Variants in OR2K2 observed in about 807,000 individuals in gnomAD.
OR2K2 encodes olfactory receptor family 2 subfamily K member 2, also known as olfactory receptor 2K2.
A neutral mutation model predicts 11.1 loss-of-function variants in OR2K2; 7 were observed. That is an observed-to-expected ratio of 0.63 (90% CI 0.36 to 1.19). The LOEUF (loss-of-function observed/expected upper bound fraction) is 1.19, where lower values mean the gene tolerates loss of function less well. Ranked by LOEUF, OR2K2 falls within the 50% of genes most tolerant of loss-of-function variation. The pLI is 0.02. For missense variants in OR2K2, 391 were observed against 383.4 expected, an observed-to-expected ratio of 1.02 and a Z score of -0.17; for synonymous variants, 152 against 150.8, an observed-to-expected ratio of 1.01 and a Z score of -0.06.
At chr9:111,329,957 C>T (rs2098102371) in intron 1 of OR2K2, 149 bp downstream of exon 1, 1 of 151,940 alleles carries the variant, frequency 6.6e-6, no homozygotes, top group Admixed American at 6.6e-5. Flanking sequence ...TTATGAATTT[C>T]TCTGCCAAAT....
chr9:111,327,831 G>T lies in OR2K2; in HGVS notation c.603C>A (p.Val201=). The T allele has an allele frequency of 6.2e-7, 1 of 1,614,142 alleles. No homozygotes were observed. The highest frequency in any genetic ancestry group is 8.5e-7 in the Non-Finnish European group (1 of 1,179,990). ...TTGGAATTGGCAAGAGGAGAATGCT[G>T]ACCACCAGCATGATGGTGTTCATGA... ...SLLMNTIMLV[V]SILLLPIPML... is the part of the protein sequence containing the mutation. The change falls in exon 2 of 2, where the codon GTC becomes GTA. Residue 201 remains valine (V), a synonymous_variant. Transcript: ENST00000302681.
At chr9:111,329,695 A>G (rs569370790) in intron 1 of OR2K2, among the ~76,000 whole-genome samples, 14 of 152,214 alleles carry the variant, frequency 9.2e-5, no homozygotes, top group South Asian at 4.1e-4. Flanking sequence ...GCACTTCCAG[A>G]ATTTCACTTG....
chr9:111,327,629 T>C lies in OR2K2; in HGVS notation c.805A>G (p.Ile269Val). 1.2e-6 allele frequency: 2 copies of C among 1,614,162 alleles called. No homozygotes were observed. The highest frequency in any genetic ancestry group is 1.1e-5 in the South Asian group (1 of 91,084). Residue 269 changes from isoleucine (I) to valine (V), a missense_variant, in exon 2 of 2, where the codon ATA becomes GTA. By Grantham distance (29) the Ile-to-Val change is conservative. Coordinates refer to ENST00000302681, the MANE Select transcript of OR2K2 (RefSeq NM_205859.2). ...LKPSSSNAQK[I>V]DKIISLLYGV... ...TAAAGCAACGAGATGATTTTGTCTA[T>C]TTTTTGTGCATTTGATGAAGAAGGC... is the stretch of plus-strand genomic sequence containing the variant.
chr9:111,329,985 T>C (rs573020605), intron 1 of OR2K2, 121 bp downstream of exon 1: 54 of 152,154 alleles, frequency 3.5e-4, no homozygotes, highest in African/African-American at 1.1e-3. Flanking sequence ...TTAATAGATT[T>C]CTCTAATAAT....
chr9:111,328,007 G>C lies in OR2K2; in HGVS notation c.427C>G (p.Arg143Gly). The change falls in exon 2 of 2, where the codon CGG (arginine) becomes GGG (glycine). Residue 143 changes from arginine (R) to glycine (G), a missense_variant. Arg to Gly is a moderately radical substitution (Grantham distance 125). Transcript: ENST00000302681. ...GTCACCCAGGAGACCGTAGCCATCC[G>C]TGCACAGACGCACCTGTTCATGATG... ...SIIMNRCVCA[R>G]MATVSWVTGC... 1 of 1,614,128 alleles carries C rather than the reference G, an allele frequency of 6.2e-7. No individual in the cohort carries two copies. The highest frequency in any genetic ancestry group is 8.5e-7 in the Non-Finnish European group (1 of 1,180,028).
chr9:111,328,368 C>T lies in OR2K2; in HGVS notation c.66G>A (p.Gly22=). The T allele has an allele frequency of 6.2e-7, 1 of 1,613,608 alleles. No homozygotes were observed. The highest frequency in any genetic ancestry group is 8.5e-7 in the Non-Finnish European group (1 of 1,179,980). ...TGAAGACGAAGAGAACCACTTCTAACCCTGGGTACTGGGAAAATCCCTCCA... is the reference window on the plus strand; with the variant it reads ...TGAAGACGAAGAGAACCACTTCTAATCCTGGGTACTGGGAAAATCCCTCCA... ...FFLEGFSQYP[G]LEVVLFVFSL... The change falls in exon 2 of 2, where the codon GGG becomes GGA. Residue 22 remains glycine (G), a synonymous_variant. Coordinates refer to ENST00000302681, the MANE Select transcript of OR2K2 (RefSeq NM_205859.2).
rs749681937 is a variant in OR2K2 at position 111,328,379 on chromosome 9, G to C, written c.55C>G (p.Gln19Glu). ...WSIFFLEGFS[Q>E]YPGLEVVLFV... ...AGAACCACTTCTAACCCTGGGTACT[G>C]GGAAAATCCCTCCAAGAAAAAAATG... The change falls in exon 2 of 2, where the codon CAG (glutamine) becomes GAG (glutamate). Residue 19 changes from glutamine (Q) to glutamate (E), a missense_variant. Transcript: ENST00000302681. 1.4e-5 allele frequency: 22 copies of C among 1,613,052 alleles called. No individual in the cohort carries two copies. Among genetic ancestry groups the C allele is most frequent in the Non-Finnish European group, 1.4e-5 (16 of 1,179,972 alleles).
chr9:111,327,777 G>A lies in OR2K2; in HGVS notation c.657C>T (p.Phe219=), dbSNP rs1050485158. 1 of 1,614,042 alleles carries A rather than the reference G, an allele frequency of 6.2e-7. No homozygotes were observed. Among genetic ancestry groups the A allele is most frequent in the Non-Finnish European group, 8.5e-7 (1 of 1,180,046 alleles). Residue 219 remains phenylalanine (F), a synonymous_variant, in exon 2 of 2, where the codon TTC becomes TTT. Coordinates refer to ENST00000302681, the MANE Select transcript of OR2K2 (RefSeq NM_205859.2). ...PMLLVCISYI[F]ILSTILRITS... ...TGATTCTCAGAATAGTGGAAAGGAT[G>A]AAGATGTAAGAGATGCAAACTAAGA...
rs2131416997 is a variant in OR2K2, at chr9:111,330,186, A to C, written c.-130T>G. On this transcript the variant is annotated 5_prime_UTR_variant, in exon 1 of 2. It removes the in-frame stop codon of an upstream open reading frame in the 5' UTR. Coordinates refer to ENST00000302681, the MANE Select transcript of OR2K2 (RefSeq NM_205859.2). ...ATCTGAATTCCGTATCAGCAACTTC[A>C]AATAAAACGTTGTTTTATGATGCAC... is the stretch of plus-strand genomic sequence containing the variant. The C allele has an allele frequency of 6.6e-6, 1 of 152,310 alleles. No homozygotes were observed. Among genetic ancestry groups the C allele is most frequent in the South Asian group, 2.1e-4 (1 of 4,824 alleles). The allele number at this position is 152,310 out of a possible 1,614,324, so 9.4% of individuals were successfully genotyped here.
chr9:111,327,787 G>A lies in OR2K2; in HGVS notation c.647C>T (p.Ser216Phe). ...LPIPMLLVCI[S>F]YIFILSTILR... ...AATAGTGGAAAGGATGAAGATGTAA[G>A]AGATGCAAACTAAGAGCATTGGAAT... The change falls in exon 2 of 2, where the codon TCT becomes TTT. Residue 216 changes from serine to phenylalanine, a missense_variant. By Grantham distance (155) the Ser-to-Phe change is radical. Coordinates refer to ENST00000302681, the MANE Select transcript of OR2K2 (RefSeq NM_205859.2). 2 of 1,614,200 alleles carry A rather than the reference G, an allele frequency of 1.2e-6. No individual in the cohort carries two copies. The highest frequency in any genetic ancestry group is 1.7e-6 in the Non-Finnish European group (2 of 1,180,040).
In OR2K2 at chr9:111,327,671, G is replaced by A. The variant is rs1287150716; in HGVS notation, c.763C>T (p.Leu255Phe). Residue 255 changes from leucine (L) to phenylalanine (F), a missense_variant, in exon 2 of 2, where the codon CTC becomes TTC. Coordinates refer to ENST00000302681, the MANE Select transcript of OR2K2 (RefSeq NM_205859.2). Reference sequence around the variant, plus strand: ...GAAGAAGGCTTTAGGTACATAGAGAGGGCAGCCCCATAATACAAAATCACC... The same window carrying A: ...GAAGAAGGCTTTAGGTACATAGAGAAGGCAGCCCCATAATACAAAATCACC... ...TVVILYYGAALSMYLKPSSSN... is the reference protein window; with the variant it reads ...TVVILYYGAAFSMYLKPSSSN... 1.2e-6 allele frequency: 2 copies of A among 1,614,012 alleles called. No individual in the cohort carries two copies. Among genetic ancestry groups the A allele is most frequent in the African/African-American group, 1.3e-5 (1 of 74,924 alleles).
Position 111,327,591 on chromosome 9 carries a change from G to A in OR2K2, c.843C>T (p.Thr281=), listed in dbSNP as rs779524128. 16 of 1,613,830 alleles carry A rather than the reference G, an allele frequency of 9.9e-6. No individual in the cohort carries two copies. The African/African-American group carries it at 1.6e-4, about 16-fold the overall frequency. The change falls in exon 2 of 2, where the codon ACC becomes ACT. Residue 281 remains threonine, a synonymous_variant. Transcript: ENST00000302681. ...TGTAAATTATGGGGTTCAACATAGGGGTAAGCACTCCGTAAAGCAACGAGA... is the reference window on the plus strand; with the variant it reads ...TGTAAATTATGGGGTTCAACATAGGAGTAAGCACTCCGTAAAGCAACGAGA... ...KIISLLYGVL[T]PMLNPIIYSL... is the part of the protein sequence containing the mutation.
At position 111,327,613 on chromosome 9, in the gene OR2K2, G is replaced by A. The variant is rs369776388; in HGVS notation, c.821C>T (p.Ser274Leu). The A allele has an allele frequency of 1.2e-5, 20 of 1,613,896 alleles. No homozygotes were observed. Among genetic ancestry groups the A allele is most frequent in the South Asian group, 3.3e-5 (3 of 91,078 alleles). Residue 274 changes from serine (S) to leucine (L), a missense_variant, in exon 2 of 2, where the codon TCG becomes TTG. Coordinates refer to ENST00000302681, the MANE Select transcript of OR2K2 (RefSeq NM_205859.2). The part of the protein sequence containing the change: ...SNAQKIDKII[S>L]LLYGVLTPML... ...AGGGGTAAGCACTCCGTAAAGCAAC[G>A]AGATGATTTTGTCTATTTTTTGTGC...
chr9:111,327,935 G>T lies in OR2K2; in HGVS notation c.499C>A (p.Pro167Thr), dbSNP rs1166777798. The T allele has an allele frequency of 1.9e-6, 3 of 1,614,150 alleles. No individual in the cohort carries two copies. The highest frequency in any genetic ancestry group is 2.5e-6 in the Non-Finnish European group (3 of 1,180,028). The stretch of plus-strand genomic sequence containing the variant: ...TGATCGATGAGATTCCCACAGAGGG[G>T]TATCTGCAGGGCAAAACTGGTTTCC... Reference protein sequence around the residue: ...LLETSFALQIPLCGNLIDHFT... With the variant: ...LLETSFALQITLCGNLIDHFT... Residue 167 changes from proline (P) to threonine (T), a missense_variant, in exon 2 of 2, where the codon CCC (proline) becomes ACC (threonine). Pro to Thr is a conservative substitution (Grantham distance 38). Coordinates refer to ENST00000302681, the MANE Select transcript of OR2K2 (RefSeq NM_205859.2).
rs770010046 is a variant in OR2K2 at position 111,328,087 on chromosome 9, G to A, written c.347C>T (p.Ala116Val). The change falls in exon 2 of 2, where the codon GCC (alanine) becomes GTC (valine). Residue 116 changes from alanine to valine, a missense_variant. Coordinates refer to ENST00000302681, the MANE Select transcript of OR2K2 (RefSeq NM_205859.2). Reference protein sequence around the residue: ...AMGSTECVLLAVMAYDRYVAI... With the variant: ...AMGSTECVLLVVMAYDRYVAI... Reference sequence around the variant, plus strand: ...CACATAACGGTCATATGCCATCACGGCCAGGAGCACACACTCTGTGGAGCC... The same window carrying A: ...CACATAACGGTCATATGCCATCACGACCAGGAGCACACACTCTGTGGAGCC... 6.2e-7 allele frequency: 1 copy of A among 1,614,168 alleles called. No individual in the cohort carries two copies. Among genetic ancestry groups the A allele is most frequent in the Non-Finnish European group, 8.5e-7 (1 of 1,180,024 alleles).
chr9:111,329,196 T>C (rs1479938618), intron 1 of OR2K2, among the ~76,000 whole-genome samples: 1 of 151,998 alleles, frequency 6.6e-6, no homozygotes, highest in Non-Finnish European at 1.5e-5. Flanking sequence ...AGTGAGACTC[T>C]GTCTCAAAAA....
At position 111,327,812 on chromosome 9, in the gene OR2K2, T is replaced by C. The variant is rs777121714; in HGVS notation, c.622A>G (p.Ile208Val). The change falls in exon 2 of 2, where the codon ATT (isoleucine) becomes GTT (valine). Residue 208 changes from isoleucine (I) to valine (V), a missense_variant. Coordinates refer to ENST00000302681, the MANE Select transcript of OR2K2 (RefSeq NM_205859.2). ...MLVVSILLLP[I>V]PMLLVCISYI... is the part of the protein sequence containing the mutation. ...GAGATGCAAACTAAGAGCATTGGAA[T>C]TGGCAAGAGGAGAATGCTGACCACC... 2 of 1,614,126 alleles carry C rather than the reference T, an allele frequency of 1.2e-6. No homozygotes were observed. Among genetic ancestry groups the C allele is most frequent in the South Asian group, 1.1e-5 (1 of 91,078 alleles).
chr9:111,327,464 TA>T lies in OR2K2; in HGVS notation c.*18del. On this transcript the variant is annotated 3_prime_UTR_variant, in exon 2 of 2. Transcript: ENST00000302681. ...AGCTCTGCCAGGGGCACATCTCTGGTAAAACCATAGGGACCCAATCAGAGAT... is the reference window on the plus strand; with the variant it reads ...AGCTCTGCCAGGGGCACATCTCTGGTAAACCATAGGGACCCAATCAGAGAT... 1 of 1,535,994 alleles carries T rather than the reference TA, an allele frequency of 6.5e-7. No homozygotes were observed. Among genetic ancestry groups the T allele is most frequent in the Non-Finnish European group, 8.8e-7 (1 of 1,132,072 alleles).
chr9:111,329,223 A>G (rs1446883522), intron 1 of OR2K2, among the ~76,000 whole-genome samples: 1 of 152,134 alleles, frequency 6.6e-6, no homozygotes, highest in Non-Finnish European at 1.5e-5. Flanking sequence ...AAAAAAATTT[A>G]AACCAACTTC....
Sources: gnomAD v4.1 joint callset for allele counts (sites outside exome capture counted in the v4.1 genomes callset) on GRCh38, gnomAD v4.1.1 for gene constraint, MANE v1.5 for transcripts, NCBI Gene and HGNC (gene_info 2026-07-23, HGNC 2026-07-21) for gene names.